KLHL41: variants seen among roughly 807,000 people sequenced by gnomAD.
The protein encoded by KLHL41 is kelch-like protein 41.
KLHL41 carries 31 observed loss-of-function variants against 49.2 expected under a neutral mutation model. The observed-to-expected ratio is 0.63, with a 90% CI of 0.47 to 0.85. KLHL41 has a LOEUF of 0.85. Ranked by LOEUF, KLHL41 falls within the 40% of genes least tolerant of loss-of-function variation. KLHL41 has a pLI of 0.00. For missense variants in KLHL41, 663 were observed against 726.7 expected, an observed-to-expected ratio of 0.91 and a Z score of 1.01; for synonymous variants, 218 against 258.5, an observed-to-expected ratio of 0.84 and a Z score of 1.50.
At chr2:169,514,294 C>G in intron 1 of KLHL41, 1 of 277,804 alleles carries the variant, frequency 3.6e-6, no homozygotes, top group Non-Finnish European at 6.7e-6. Flanking sequence ...GACAAGAAAC[C>G]TCACAGTTGT....
chr2:169,520,308 G>A lies in KLHL41; in HGVS notation c.1563-553G>A, dbSNP rs995212424. Among the ~76,000 whole-genome samples the A allele has an allele frequency of 2.2e-3, 236 of 109,630 alleles. 4 individuals carry two copies. The highest frequency in any genetic ancestry group is 6.0e-3 in the African/African-American group (208 of 34,662). 71.9% of individuals were successfully genotyped at this position (109,630 alleles called of 152,430 possible). A position where few individuals can be genotyped will look rare whatever the true frequency, so the allele number is the denominator to read the frequency against. ...TGTGTGTGTGTGTGTGTGTGTGTGT[G>A]TGTATGTGTGTGTGTGTGTGTGGAG... On this transcript the variant is annotated intron_variant, in intron 4 of 5. Transcript: ENST00000284669.
In KLHL41 at chr2:169,514,581, G is replaced by A; in HGVS notation, c.1118G>A (p.Ser373Asn). Residue 373 changes from serine to asparagine, a missense_variant, in exon 2 of 6, where the codon AGC (serine) becomes AAC (asparagine). This residue lies in a region of KLHL41 where 528 missense variants were observed against 581.0 expected (regional missense o/e 0.91). Transcript: ENST00000284669. The part of the protein sequence containing the change: ...PLQSYFFQLD[S>N]IASEWVGLPP... ...CATATATGTTTTTTTCAGCTCGATAGCATAGCATCTGAATGGGTTGGACTT... is the reference window on the plus strand; with the variant it reads ...CATATATGTTTTTTTCAGCTCGATAACATAGCATCTGAATGGGTTGGACTT... The A allele has an allele frequency of 1.9e-6, 3 of 1,611,632 alleles. No individual in the cohort carries two copies. Among genetic ancestry groups the A allele is most frequent in the Non-Finnish European group, 1.7e-6 (2 of 1,179,292 alleles).
chr2:169,510,904 T>G lies in KLHL41; in HGVS notation c.1110+16T>G. The G allele has an allele frequency of 6.2e-7, 1 of 1,604,132 alleles. No individual in the cohort carries two copies. Among genetic ancestry groups the G allele is most frequent in the South Asian group, 1.1e-5 (1 of 89,568 alleles). ...CTTCTTCCAGGTAAGAAGGACTTTTTGTATATGTAGTTGCTTAAAGGGAAG... is the reference window on the plus strand; with the variant it reads ...CTTCTTCCAGGTAAGAAGGACTTTTGGTATATGTAGTTGCTTAAAGGGAAG... On this transcript the variant is annotated intron_variant, in intron 1 of 5. Coordinates refer to ENST00000284669, the MANE Select transcript of KLHL41 (RefSeq NM_006063.3). This position sits in a 1 kb window ranked among gnomAD's most constrained non-coding sequence, Gnocchi z 4.2.
chr2:169,519,743 A>G (rs1441924730), intron 4 of KLHL41, among the ~76,000 whole-genome samples: 1 of 148,888 alleles, frequency 6.7e-6, no homozygotes, highest in African/African-American at 2.5e-5. Context: ...TTTTATAATT[A>G]GAAAAAAATC....
At chr2:169,523,904 G>A (rs1264292699) in intron 5 of KLHL41, among the ~76,000 whole-genome samples, 8 of 152,152 alleles carry the variant, frequency 5.3e-5, no homozygotes, top group Admixed American at 5.2e-4. Context: ...CTAGAGAAAC[G>A]TGGCTGCCTA....
Position 169,510,441 on chromosome 2 carries a change from T to C in KLHL41, c.663T>C (p.Cys221=). The change falls in exon 1 of 6, where the codon TGT becomes TGC. Residue 221 remains cysteine, a synonymous_variant. Transcript: ENST00000284669. This position sits in a 1 kb window ranked among gnomAD's most constrained non-coding sequence, Gnocchi z 4.2. Reference sequence around the variant, plus strand: ...AAAACCTTAGTGAAGTGTTTGATTGTATCCGTTTTCGCCTTATGACAGAAA... The same window carrying C: ...AAAACCTTAGTGAAGTGTTTGATTGCATCCGTTTTCGCCTTATGACAGAAA... ...RVKNLSEVFD[C]IRFRLMTEKY... is the part of the protein sequence containing the mutation. The C allele has an allele frequency of 6.2e-7, 1 of 1,614,106 alleles. No homozygotes were observed. Among genetic ancestry groups the C allele is most frequent in the South Asian group, 1.1e-5 (1 of 91,070 alleles).
In KLHL41 at chr2:169,525,924, A is replaced by C. The variant is rs1684298392; in HGVS notation, c.*228A>C. On this transcript the variant is annotated 3_prime_UTR_variant, in exon 6 of 6. Transcript: ENST00000284669. Reference sequence around the variant, plus strand: ...AATAAATTAAATCTTCAGTTGAACAAATTATTTTGTGAATCTGTTTCACTC... The same window carrying C: ...AATAAATTAAATCTTCAGTTGAACACATTATTTTGTGAATCTGTTTCACTC... The C allele has an allele frequency of 3.0e-6, 1 of 337,032 alleles. No homozygotes were observed. The allele number at this position is 337,032 out of a possible 1,614,324, so 20.9% of individuals were successfully genotyped here. A position where few individuals can be genotyped will look rare whatever the true frequency, so the allele number is the denominator to read the frequency against.
At chr2:169,518,929 G>A (rs1156484108) in intron 4 of KLHL41, among the ~76,000 whole-genome samples, 10 of 152,160 alleles carry the variant, frequency 6.6e-5, no homozygotes, top group South Asian at 4.1e-4. Flanking sequence ...ATCCTCTCAC[G>A]GTGGCCTCCC....
intron 4 of KLHL41, among the ~76,000 whole-genome samples, chr2:169,520,262 A>C: frequency 1.8e-5 from 2 of 111,254 alleles, no homozygotes; most frequent in Admixed American, 1.1e-4. Flanking sequence ...GGCTCAAGCT[A>C]TCCTCCTGCC....
Position 169,514,601 on chromosome 2 carries a change from G to A in KLHL41, c.1138G>A (p.Gly380Arg). The A allele has an allele frequency of 6.2e-7, 1 of 1,613,710 alleles. No homozygotes were observed. Among genetic ancestry groups the A allele is most frequent in the Non-Finnish European group, 8.5e-7 (1 of 1,179,842 alleles). Residue 380 changes from glycine (G) to arginine (R), a missense_variant, in exon 2 of 6, where the codon GGA (glycine) becomes AGA (arginine). By Grantham distance (125) the Gly-to-Arg change is moderately radical. Coordinates refer to ENST00000284669, the MANE Select transcript of KLHL41 (RefSeq NM_006063.3). ...CGATAGCATAGCATCTGAATGGGTTGGACTTCCACCTCTGCCTTCAGCCAG... is the reference window on the plus strand; with the variant it reads ...CGATAGCATAGCATCTGAATGGGTTAGACTTCCACCTCTGCCTTCAGCCAG... ...QLDSIASEWV[G>R]LPPLPSARCL...
Position 169,519,575 on chromosome 2 carries a change from A to G in KLHL41, c.1562+1200A>G, listed in dbSNP as rs182986822. Reference sequence around the variant, plus strand: ...AAATTACACCAAATTGTTGCTTGTGATTATGTCTGTAAGGTATGATTATGG... The same window carrying G: ...AAATTACACCAAATTGTTGCTTGTGGTTATGTCTGTAAGGTATGATTATGG... On this transcript the variant is annotated intron_variant, in intron 4 of 5. Transcript: ENST00000284669. 3.2e-3 allele frequency among the ~76,000 whole-genome samples: 482 copies of G among 151,568 alleles called. 1 individual carries two copies. The highest frequency in any genetic ancestry group is 0.011 in the African/African-American group (469 of 41,338).
Position 169,525,619 on chromosome 2 carries a change from T to C in KLHL41, c.1744T>C (p.Leu582=), listed in dbSNP as rs770308237. 3 of 1,613,412 alleles carry C rather than the reference T, an allele frequency of 1.9e-6. No individual in the cohort carries two copies. In the East Asian group the frequency reaches 6.7e-5, roughly 36 times the overall value. ...EDDKKEWAGM[L]KEIRYASGAS... is the part of the protein sequence containing the mutation. Reference sequence around the variant, plus strand: ...TGATAAAAAAGAATGGGCTGGGATGTTGAAGGAAATACGTTATGCTTCAGG... The same window carrying C: ...TGATAAAAAAGAATGGGCTGGGATGCTGAAGGAAATACGTTATGCTTCAGG... Residue 582 remains leucine (L), a synonymous_variant, in exon 6 of 6, where the codon TTG becomes CTG. Coordinates refer to ENST00000284669, the MANE Select transcript of KLHL41 (RefSeq NM_006063.3).
At position 169,525,790 on chromosome 2, in the gene KLHL41, A is replaced by C. The variant is rs1684296045; in HGVS notation, c.*94A>C. ...TTTTTAAAAGCTTGTACAGACACTC[A>C]TGTAGAAATTATTCAAGAAGTTATT... On this transcript the variant is annotated 3_prime_UTR_variant, in exon 6 of 6. Coordinates refer to ENST00000284669, the MANE Select transcript of KLHL41 (RefSeq NM_006063.3). 3.1e-6 allele frequency: 2 copies of C among 646,074 alleles called. No individual in the cohort carries two copies. Among genetic ancestry groups the C allele is most frequent in the South Asian group, 4.6e-5 (2 of 43,848 alleles). 40.0% of individuals were successfully genotyped at this position (646,074 alleles called of 1,614,324 possible).
intron 4 of KLHL41, among the ~76,000 whole-genome samples, chr2:169,520,160 G>C (rs1684176397): frequency 1.3e-4 from 1 of 7,532 alleles, no homozygotes; most frequent in Non-Finnish European, 5.2e-4. Flanking sequence ...CTCTGTGTGT[G>C]TGTGTGTGTG....
rs747281907 is a variant in KLHL41, at chr2:169,509,773, C to T, written c.-6C>T. 1.2e-5 allele frequency: 20 copies of T among 1,605,092 alleles called. No homozygotes were observed. The highest frequency in any genetic ancestry group is 1.5e-5 in the Non-Finnish European group (18 of 1,177,730). ...TGTCCCCTTCCTTACCCAGGTTTCT[C>T]ACAGAATGGATTCCCAGCGGGAACT... is the stretch of plus-strand genomic sequence containing the variant. On this transcript the variant is annotated 5_prime_UTR_variant, in exon 1 of 6. Transcript: ENST00000284669.
At chr2:169,521,620 T>G (rs1314415468) in intron 5 of KLHL41, among the ~76,000 whole-genome samples, 1 of 152,164 alleles carries the variant, frequency 6.6e-6, no homozygotes, top group Non-Finnish European at 1.5e-5. Context: ...CTCGAACTCC[T>G]GACCTCAGGT....
intron 3 of KLHL41, among the ~76,000 whole-genome samples, chr2:169,517,343 C>G (rs551530952): frequency 6.6e-6 from 1 of 152,328 alleles, no homozygotes; most frequent in Admixed American, 6.5e-5. Flanking sequence ...TGGCTCACAC[C>G]TGTAATCCCA....
intron 3 of KLHL41, among the ~76,000 whole-genome samples, 153 bp downstream of exon 3, chr2:169,515,114 A>G (rs1574351479): frequency 6.7e-6 from 1 of 150,032 alleles, no homozygotes; most frequent in Non-Finnish European, 1.5e-5. Flanking sequence ...GCTCACTGCA[A>G]CCGCCGCCTC....
chr2:169,517,162 A>C (rs1465315783), intron 3 of KLHL41, among the ~76,000 whole-genome samples: 2 of 152,244 alleles, frequency 1.3e-5, no homozygotes. Context: ...TCTACTCCAG[A>C]TAACTGGTCT....
Sources: gnomAD v4.1 joint callset for allele counts (sites outside exome capture counted in the v4.1 genomes callset) on GRCh38, gnomAD v4.1.1 for gene constraint, gnomAD v4.1.1 regional missense constraint, Gnocchi (gnomAD v3.1) non-coding constraint, MANE v1.5 for transcripts, NCBI Gene and HGNC (gene_info 2026-07-23, HGNC 2026-07-21) for gene names.